The following ZKSCAN5 variants were observed in gnomAD, a reference collection of about 807,000 sequenced individuals.
ZKSCAN5 encodes zinc finger protein with KRAB and SCAN domains 5.
A neutral mutation model predicts 60.0 loss-of-function variants in ZKSCAN5; 28 were observed. The observed-to-expected ratio is 0.47, with a 90% confidence interval of 0.35 to 0.64. ZKSCAN5 has a LOEUF of 0.64. ZKSCAN5 is among the 30% of genes least tolerant of loss of function. The pLI is 0.01. For missense variants in ZKSCAN5, 881 were observed against 1,034.6 expected (o/e 0.85, Z 2.04); for synonymous variants, 361 against 371.2 (o/e 0.97, Z 0.31).
chr7:99,520,411 C>T, intron 5 of ZKSCAN5, 107 bp downstream of exon 5: 2 of 1,357,666 alleles, frequency 1.5e-6, no homozygotes, highest in Non-Finnish European at 2.0e-6. Context: ...TGTGCTATGA[C>T]TTTGCTTTTT....
intron 6 of ZKSCAN5, among the ~76,000 whole-genome samples, chr7:99,530,737 T>TTA (rs1443909115): frequency 6.6e-6 from 1 of 152,166 alleles, no homozygotes; most frequent in African/African-American, 2.4e-5. Context: ...TGAACATTTT[T>TTA]TATGACAGTT....
chr7:99,516,007 A>G (rs1359662058), intron 3 of ZKSCAN5, among the ~76,000 whole-genome samples: 3 of 148,338 alleles, frequency 2.0e-5, no homozygotes, highest in African/African-American at 5.0e-5. Flanking sequence ...TTTTTTTTTG[A>G]GACAGGGTCT....
intron 5 of ZKSCAN5, among the ~76,000 whole-genome samples, chr7:99,523,603 CTCAAA>C (rs142505105): frequency 0.031 from 4,603 of 149,598 alleles, 202 homozygotes; most frequent in East Asian, 0.23. Flanking sequence ...AAGACCCAGT[CTCAAA>C]TCAATCAATC....
At chr7:99,516,738 G>A (rs1214443980) in intron 3 of ZKSCAN5, among the ~76,000 whole-genome samples, 1 of 152,122 alleles carries the variant, frequency 6.6e-6, no homozygotes, top group Non-Finnish European at 1.5e-5. Flanking sequence ...TGTGGGGAAA[G>A]CACCCTGTCT....
intron 2 of ZKSCAN5, among the ~76,000 whole-genome samples, chr7:99,509,006 T>G (rs1191360645): frequency 6.6e-6 from 1 of 151,916 alleles, no homozygotes; most frequent in Non-Finnish European, 1.5e-5. Flanking sequence ...TTTATTTTTT[T>G]GAGGTGGAGT....
At chr7:99,515,191 G>A (rs1242229082) in intron 3 of ZKSCAN5, among the ~76,000 whole-genome samples, 1 of 152,032 alleles carries the variant, frequency 6.6e-6, no homozygotes, top group Non-Finnish European at 1.5e-5. Context: ...GATCACCTGA[G>A]GTCAGGAGTT....
chr7:99,526,627 T>C (rs555939557), intron 6 of ZKSCAN5, among the ~76,000 whole-genome samples: 1 of 152,284 alleles, frequency 6.6e-6, no homozygotes, highest in East Asian at 1.9e-4. Flanking sequence ...AGATCTCAGC[T>C]CACTGCAACT....
chr7:99,532,986 C>T lies in ZKSCAN5; in HGVS notation c.*737C>T, dbSNP rs1802117931. 4.9e-6 allele frequency: 1 copy of T among 204,674 alleles called. No individual in the cohort carries two copies. The highest frequency in any genetic ancestry group is 2.2e-5 in the African/African-American group (1 of 44,452). 12.7% of individuals were successfully genotyped at this position (204,674 alleles called of 1,614,324 possible). On this transcript the variant is annotated 3_prime_UTR_variant, in exon 7 of 7. Coordinates refer to ENST00000326775, the MANE Select transcript of ZKSCAN5 (RefSeq NM_145102.4). Reference sequence around the variant, plus strand: ...TCAATTCAGGAGAAACTGTACTGGTCAGTCACATCTTACGGCGAAGGGAGA... The same window carrying T: ...TCAATTCAGGAGAAACTGTACTGGTTAGTCACATCTTACGGCGAAGGGAGA...
intron 4 of ZKSCAN5, 127 bp downstream of exon 4, chr7:99,520,036 C>T (rs900924901): frequency 4.0e-6 from 6 of 1,484,884 alleles, no homozygotes; most frequent in Non-Finnish European, 4.6e-6. Flanking sequence ...TTTTTCCTTT[C>T]TGCCTAGTCC....
At chr7:99,505,261 G>T (rs1800664798) in intron 1 of ZKSCAN5, 1 of 152,170 alleles carries the variant, frequency 6.6e-6, no homozygotes, top group South Asian at 2.1e-4. Context: ...ATTGGACTTG[G>T]TTACTTCCGG....
At chr7:99,524,000 T>C (rs1801659825) in intron 5 of ZKSCAN5, among the ~76,000 whole-genome samples, 1 of 151,698 alleles carries the variant, frequency 6.6e-6, no homozygotes, top group East Asian at 1.9e-4. Context: ...CTCTTATTAC[T>C]AATATAATAC....
chr7:99,519,924 C>T lies in ZKSCAN5; in HGVS notation c.636+15C>T, dbSNP rs1235368305. ...CTGGGTCCCAGGTGAGCTGGTGCCC[C>T]TTTGCCCTCAGAGAGGACCCATCCT... On this transcript the variant is annotated intron_variant, in intron 4 of 6. Coordinates refer to ENST00000326775, the MANE Select transcript of ZKSCAN5 (RefSeq NM_145102.4). 3.1e-6 allele frequency: 5 copies of T among 1,613,536 alleles called. No individual in the cohort carries two copies. In the South Asian group the frequency reaches 5.5e-5, roughly 18 times the overall value.
rs761324611 is a variant in ZKSCAN5, at chr7:99,531,155, A to G, written c.1426A>G (p.Ile476Val). 6 of 1,603,334 alleles carry G rather than the reference A, an allele frequency of 3.7e-6. No individual in the cohort carries two copies. The highest frequency in any genetic ancestry group is 2.5e-6 in the Non-Finnish European group (3 of 1,177,234). ...KNTKLSVKKK[I>V]SEYSEADMEL... ...CACAAAATTAAGTGTTAAGAAGAAA[A>G]TTTCAGAATATTCAGAAGCAGACAT... Residue 476 changes from isoleucine to valine, a missense_variant, in exon 7 of 7, where the codon ATT becomes GTT. Physicochemically the swap from Ile to Val is conservative, Grantham distance 29 (BLOSUM62 3). Transcript: ENST00000326775.
Position 99,531,253 on chromosome 7 carries a change from C to G in ZKSCAN5, c.1524C>G (p.Gly508=), listed in dbSNP as rs907882774. Residue 508 remains glycine (G), a synonymous_variant, in exon 7 of 7, where the codon GGC becomes GGG. Coordinates refer to ENST00000326775, the MANE Select transcript of ZKSCAN5 (RefSeq NM_145102.4). The part of the protein sequence containing the change: ...QDFGEGCEFQ[G]KLDRKQGIPM... ...TTGGAGAAGGCTGTGAGTTTCAAGG[C>G]AAGCTGGATAGAAAGCAGGGAATTC... 17 of 1,613,978 alleles carry G rather than the reference C, an allele frequency of 1.1e-5. No homozygotes were observed. Among genetic ancestry groups the G allele is most frequent in the Non-Finnish European group, 1.4e-5 (17 of 1,180,040 alleles).
chr7:99,533,118 C>A lies in ZKSCAN5; in HGVS notation c.*869C>A. On this transcript the variant is annotated 3_prime_UTR_variant, in exon 7 of 7. Coordinates refer to ENST00000326775, the MANE Select transcript of ZKSCAN5 (RefSeq NM_145102.4). ...ACCCATAGAAGGAGTTGGACCAAGG[C>A]GAATTACGAGTCCTGGTCCCAGCAG... The A allele has an allele frequency of 2.4e-6, 1 of 411,348 alleles. No homozygotes were observed. Among genetic ancestry groups the A allele is most frequent in the Non-Finnish European group, 5.0e-6 (1 of 200,442 alleles). 25.5% of individuals were successfully genotyped at this position (411,348 alleles called of 1,614,324 possible).
At chr7:99,523,037 C>T (rs1392096765) in intron 5 of ZKSCAN5, among the ~76,000 whole-genome samples, 1 of 150,756 alleles carries the variant, frequency 6.6e-6, no homozygotes, top group Non-Finnish European at 1.5e-5. Flanking sequence ...TGGTGGCACG[C>T]ATCTGTACTC....
At chr7:99,511,977 A>G (rs1421124923) in intron 2 of ZKSCAN5, among the ~76,000 whole-genome samples, 1 of 152,082 alleles carries the variant, frequency 6.6e-6, no homozygotes, top group Non-Finnish European at 1.5e-5. Context: ...TTTTTTTAGT[A>G]GAGACGGGGT....
rs1394175663 is a variant in ZKSCAN5, at chr7:99,533,013, G to A, written c.*764G>A. 9.4e-6 allele frequency: 2 copies of A among 213,018 alleles called. No homozygotes were observed. Among genetic ancestry groups the A allele is most frequent in the East Asian group, 2.0e-4 (2 of 10,158 alleles). The allele number at this position is 213,018 out of a possible 1,614,324, so 13.2% of individuals were successfully genotyped here. A position where few individuals can be genotyped will look rare whatever the true frequency, so the allele number is the denominator to read the frequency against. ...GTCACATCTTACGGCGAAGGGAGAG[G>A]GACCTTAGGGGAGCAGAGAAGACAG... is the stretch of plus-strand genomic sequence containing the variant. On this transcript the variant is annotated 3_prime_UTR_variant, in exon 7 of 7. Coordinates refer to ENST00000326775, the MANE Select transcript of ZKSCAN5 (RefSeq NM_145102.4).
intron 3 of ZKSCAN5, chr7:99,513,825 C>T: frequency 4.6e-6 from 1 of 215,164 alleles, no homozygotes; most frequent in South Asian, 4.3e-5. Flanking sequence ...GTCAGGAGTT[C>T]AAGACCAGCC....
Sources: gnomAD v4.1 joint callset for allele counts (sites outside exome capture counted in the v4.1 genomes callset) on GRCh38, gnomAD v4.1.1 for gene constraint, MANE v1.5 for transcripts, NCBI Gene and HGNC (gene_info 2026-07-23, HGNC 2026-07-21) for gene names.